Variants in PHACTR3 observed in about 807,000 individuals in gnomAD.
PHACTR3 encodes protein phosphatase 1, regulatory subunit 123.
Under a neutral mutation model 66.8 loss-of-function variants are expected in PHACTR3, and 16 were observed. The ratio of observed to expected loss-of-function variants is 0.24; its 90% confidence interval spans 0.16 to 0.36. The LOEUF (loss-of-function observed/expected upper bound fraction) is 0.36, where lower values mean the gene tolerates loss of function less well. Ranked by LOEUF, PHACTR3 falls within the 10% of genes least tolerant of loss-of-function variation. The pLI is 1.00. For missense variants in PHACTR3, 647 were observed against 719.9 expected (o/e 0.90, Z 1.16); for synonymous variants, 323 against 292.1 (o/e 1.11, Z -1.08).
intron 1 of PHACTR3, among the ~76,000 whole-genome samples, chr20:59,606,759 G>A (rs6070861): frequency 6.6e-6 from 1 of 152,176 alleles, no homozygotes; most frequent in Non-Finnish European, 1.5e-5. Flanking sequence ...GGGTTGGGCA[G>A]GTGGTGCCGG....
intron 1 of PHACTR3, among the ~76,000 whole-genome samples, chr20:59,714,924 T>G (rs1333332871): frequency 6.6e-6 from 1 of 152,226 alleles, no homozygotes; most frequent in Non-Finnish European, 1.5e-5. Context: ...TATTTTATGC[T>G]GCTTTAATGA....
intron 7 of PHACTR3, among the ~76,000 whole-genome samples, chr20:59,778,724 G>T (rs534168651): frequency 6.6e-6 from 1 of 152,174 alleles, no homozygotes; most frequent in South Asian, 2.1e-4. Flanking sequence ...ATGGGCCAAT[G>T]GGGGATTAGA....
At chr20:59,636,983 C>G (rs1286266700) in intron 1 of PHACTR3, among the ~76,000 whole-genome samples, 1 of 152,216 alleles carries the variant, frequency 6.6e-6, no homozygotes, top group Non-Finnish European at 1.5e-5. Flanking sequence ...GCTGTTATCT[C>G]ACCAACACAG....
At chr20:59,621,756 C>T (rs1180315692) in intron 1 of PHACTR3, among the ~76,000 whole-genome samples, 1 of 152,156 alleles carries the variant, frequency 6.6e-6, no homozygotes, top group African/African-American at 2.4e-5. Flanking sequence ...CCACGTCCAC[C>T]ACATACTGTG....
At chr20:59,693,486 C>A (rs778179508) in intron 1 of PHACTR3, among the ~76,000 whole-genome samples, 4 of 152,130 alleles carry the variant, frequency 2.6e-5, no homozygotes, top group Non-Finnish European at 4.4e-5. Flanking sequence ...TATGATGTTT[C>A]CATTCCCCCA....
chr20:59,767,269 G>C lies in PHACTR3; in HGVS notation c.625G>C (p.Ala209Pro), dbSNP rs1218902936. The part of the protein sequence containing the change: ...PTTNELSQAL[A>P]GADSLDSPPR... ...CACCAATGAGCTCTCCCAAGCCTTA[G>C]CTGGGGCTGACTCCCTGGACAGTCC... The change falls in exon 5 of 13, where the codon GCT (alanine) becomes CCT (proline). Residue 209 changes from alanine (A) to proline (P), a missense_variant. Ala to Pro is a conservative substitution (Grantham distance 27). This residue lies in a region of PHACTR3 where 577 missense variants were observed against 571.1 expected (regional missense o/e 1.01). Transcript: ENST00000371015. 6.2e-7 allele frequency: 1 copy of C among 1,614,222 alleles called. No individual in the cohort carries two copies.
intron 1 of PHACTR3, among the ~76,000 whole-genome samples, chr20:59,726,855 T>C (rs2038582573): frequency 1.3e-5 from 2 of 152,176 alleles, no homozygotes; most frequent in African/African-American, 2.4e-5. Context: ...TCTTTTGATA[T>C]TCTAGAAACT....
intron 1 of PHACTR3, among the ~76,000 whole-genome samples, chr20:59,589,932 T>C (rs2033140586): frequency 6.6e-6 from 1 of 152,206 alleles, no homozygotes; most frequent in Admixed American, 6.5e-5. Flanking sequence ...TGAAAGCATT[T>C]TGAGTAGGGA....
At chr20:59,734,496 A>G (rs1268630487) in intron 1 of PHACTR3, among the ~76,000 whole-genome samples, 1 of 152,142 alleles carries the variant, frequency 6.6e-6, no homozygotes, top group Non-Finnish European at 1.5e-5. Context: ...GCCCTCAAGC[A>G]GCCCTCCTGC....
chr20:59,774,122 C>G, intron 6 of PHACTR3, 121 bp from the exon 7 acceptor site: 2 of 1,315,242 alleles, frequency 1.5e-6, no homozygotes, highest in Non-Finnish European at 2.1e-6. Context: ...GGATAAAAAC[C>G]AAGAGGTCAC....
intron 1 of PHACTR3, among the ~76,000 whole-genome samples, chr20:59,657,829 G>A (rs997893241): frequency 2.0e-5 from 3 of 152,104 alleles, no homozygotes; most frequent in Non-Finnish European, 4.4e-5. Flanking sequence ...TACCTGGGAT[G>A]TATAGATTAG....
chr20:59,819,633 G>C (rs773451282), intron 8 of PHACTR3, among the ~76,000 whole-genome samples: 1 of 152,090 alleles, frequency 6.6e-6, no homozygotes, highest in Non-Finnish European at 1.5e-5. Context: ...CCACCCCCGT[G>C]TGTGGCCTGG....
chr20:59,655,034 G>C (rs1454325914), intron 1 of PHACTR3, among the ~76,000 whole-genome samples: 2 of 151,964 alleles, frequency 1.3e-5, no homozygotes, highest in African/African-American at 4.8e-5. Flanking sequence ...GCTTCTGTGA[G>C]GATTCTTGTA....
chr20:59,804,016 T>C (rs539000360), intron 7 of PHACTR3, among the ~76,000 whole-genome samples: 2 of 152,328 alleles, frequency 1.3e-5, no homozygotes, highest in African/African-American at 4.8e-5. Context: ...CTCATTTAGA[T>C]TAATTCAATC....
At chr20:59,728,098 T>C (rs2038629774) in intron 1 of PHACTR3, among the ~76,000 whole-genome samples, 1 of 152,246 alleles carries the variant, frequency 6.6e-6, no homozygotes, top group Admixed American at 6.5e-5. Context: ...ATTCATGATA[T>C]TGGCATCTGC....
chr20:59,772,297 C>A (rs1376458757), intron 5 of PHACTR3, among the ~76,000 whole-genome samples: 1 of 152,206 alleles, frequency 6.6e-6, no homozygotes, highest in Non-Finnish European at 1.5e-5. Flanking sequence ...TGTTTAGAAT[C>A]ATCTTCAAAG....
At chr20:59,784,525 T>G (rs1032546217) in intron 7 of PHACTR3, among the ~76,000 whole-genome samples, 14 of 152,088 alleles carry the variant, frequency 9.2e-5, no homozygotes, top group Non-Finnish European at 1.8e-4. Context: ...GTAAAGGCTT[T>G]CCACATAGGG....
At chr20:59,745,594 C>T (rs944187237) in intron 2 of PHACTR3, among the ~76,000 whole-genome samples, 4 of 152,252 alleles carry the variant, frequency 2.6e-5, no homozygotes, top group African/African-American at 9.6e-5. Flanking sequence ...TATCAAATTC[C>T]TGATTTCACG....
intron 1 of PHACTR3, among the ~76,000 whole-genome samples, chr20:59,673,376 C>T (rs1568695414): frequency 1.3e-5 from 2 of 152,216 alleles, no homozygotes; most frequent in Admixed American, 6.5e-5. Context: ...GAAGCACAGG[C>T]GTTGGGCACC....
Sources: allele counts gnomAD v4.1 joint callset (sites outside exome capture counted in the v4.1 genomes callset), GRCh38; gene constraint gnomAD v4.1.1; regional missense constraint gnomAD v4.1.1; transcripts MANE v1.5; gene names NCBI Gene and HGNC (gene_info 2026-07-23, HGNC 2026-07-21).